Variants in PCMTD1 observed in about 807,000 individuals in gnomAD.
PCMTD1 encodes protein-L-isoaspartate O-methyltransferase domain-containing protein 1.
PCMTD1 carries 12 observed loss-of-function variants against 37.6 expected under a neutral mutation model. The ratio of observed to expected loss-of-function variants is 0.32; its 90% confidence interval spans 0.20 to 0.52. PCMTD1 has a LOEUF of 0.52. PCMTD1 is among the 20% of genes least tolerant of loss of function. The pLI, the probability that PCMTD1 is intolerant of heterozygous loss-of-function variation, is 0.97. For synonymous variants in PCMTD1, 117 were observed against 135.8 expected (o/e 0.86, Z 0.96); for missense variants, 235 against 421.3 (o/e 0.56, Z 3.87).
At chr8:51,831,620 G>A (rs2037999621) in intron 4 of PCMTD1, 53 bp from the exon 5 acceptor site, 33 of 1,555,770 alleles carry the variant, frequency 2.1e-5, no homozygotes, top group Non-Finnish European at 2.8e-5. Context: ...CAACAATGTG[G>A]TCACCTTACA....
At chr8:51,883,504 T>C (rs2038821728) in intron 1 of PCMTD1, among the ~76,000 whole-genome samples, 1 of 152,200 alleles carries the variant, frequency 6.6e-6, no homozygotes, top group African/African-American at 2.4e-5. Flanking sequence ...TTCTTCTTAA[T>C]TATTAATGCA....
intron 3 of PCMTD1, among the ~76,000 whole-genome samples, chr8:51,842,155 C>T (rs185226296): frequency 6.6e-6 from 1 of 152,240 alleles, no homozygotes; most frequent in African/African-American, 2.4e-5. Context: ...CATGAAACTT[C>T]CCCCTTCCCT....
chr8:51,855,449 A>G (rs1441396188), intron 2 of PCMTD1, among the ~76,000 whole-genome samples: 1 of 149,012 alleles, frequency 6.7e-6, no homozygotes, highest in Non-Finnish European at 1.5e-5. Flanking sequence ...AGGAGAATCA[A>G]CTGAACCTGG....
chr8:51,829,670 C>T (rs11782696), intron 5 of PCMTD1, among the ~76,000 whole-genome samples: 104,454 of 151,886 alleles, frequency 0.69, 42,368 homozygotes, highest in Non-Finnish European at 0.9. Flanking sequence ...CTCAGGAGGC[C>T]GAGGCAGGAG....
intron 1 of PCMTD1, among the ~76,000 whole-genome samples, chr8:51,891,083 GA>G (rs2038929153): frequency 6.6e-6 from 1 of 152,058 alleles, no homozygotes; most frequent in South Asian, 2.1e-4. Context: ...GTTATACAGG[GA>G]AAAAAGCAAA....
At chr8:51,893,675 T>C (rs1048773531) in intron 1 of PCMTD1, among the ~76,000 whole-genome samples, 2 of 152,150 alleles carry the variant, frequency 1.3e-5, no homozygotes, top group Non-Finnish European at 2.9e-5. Flanking sequence ...TATGTGCACA[T>C]GGAAAGACAA....
intron 1 of PCMTD1, among the ~76,000 whole-genome samples, chr8:51,885,759 T>C (rs1006779476): frequency 6.6e-6 from 1 of 152,198 alleles, no homozygotes; most frequent in Non-Finnish European, 1.5e-5. Context: ...TAAAATGCAA[T>C]ACACTCAACA....
intron 3 of PCMTD1, chr8:51,845,453 A>G (rs2038203784): frequency 2.5e-6 from 1 of 407,064 alleles, no homozygotes; most frequent in South Asian, 5.0e-5. Flanking sequence ...GTAGTAGCAA[A>G]AAATCACATT....
At chr8:51,876,035 A>C (rs748873245) in intron 1 of PCMTD1, among the ~76,000 whole-genome samples, 5 of 152,222 alleles carry the variant, frequency 3.3e-5, no homozygotes, top group Non-Finnish European at 5.9e-5. Flanking sequence ...GATGTAATAT[A>C]TATAAACTGT....
At chr8:51,845,617 CTATT>C in intron 3 of PCMTD1, 40 bp downstream of exon 3, 1 of 1,335,112 alleles carries the variant, frequency 7.5e-7, no homozygotes, top group Non-Finnish European at 1.1e-6. Flanking sequence ...TTGCATGTAT[CTATT>C]AAGTGATTTT....
chr8:51,894,099 G>A (rs558154948), intron 1 of PCMTD1, among the ~76,000 whole-genome samples: 1 of 152,214 alleles, frequency 6.6e-6, no homozygotes, highest in Admixed American at 6.5e-5. Context: ...TGGGAGGTGG[G>A]GGCTCTAGGG....
intron 5 of PCMTD1, among the ~76,000 whole-genome samples, chr8:51,823,081 G>A (rs1000005616): frequency 1.3e-5 from 2 of 152,174 alleles, no homozygotes; most frequent in African/African-American, 4.8e-5. Flanking sequence ...AAGACCAACT[G>A]GACCCAGCAT....
chr8:51,833,016 G>T (rs1448670134), intron 4 of PCMTD1, among the ~76,000 whole-genome samples: 4 of 152,006 alleles, frequency 2.6e-5, no homozygotes, highest in Non-Finnish European at 4.4e-5. Context: ...GATAATTTTT[G>T]TATCTGTTTG....
chr8:51,888,985 C>G (rs1019928605), intron 1 of PCMTD1, among the ~76,000 whole-genome samples: 2 of 152,148 alleles, frequency 1.3e-5, no homozygotes, highest in Non-Finnish European at 2.9e-5. Flanking sequence ...TTTTGTGTGA[C>G]TAGATGATTC....
At chr8:51,888,944 GCTCT>G (rs1239609641) in intron 1 of PCMTD1, among the ~76,000 whole-genome samples, 1 of 152,020 alleles carries the variant, frequency 6.6e-6, no homozygotes, top group Non-Finnish European at 1.5e-5. Flanking sequence ...GAACTGCTTT[GCTCT>G]CTCACTGCAG....
rs146252521 is a variant in PCMTD1, at chr8:51,824,026, A to C, written c.707-3308T>G. ...TCATGCTAAAAAATCTCAATAAACTAGGTATCGATGGAACGTATCTCAAAA... is the reference window on the plus strand; with the variant it reads ...TCATGCTAAAAAATCTCAATAAACTCGGTATCGATGGAACGTATCTCAAAA... On this transcript the variant is annotated intron_variant, in intron 5 of 5. Transcript: ENST00000522514. Among the ~76,000 whole-genome samples, 1,025 of 152,328 alleles carry C rather than the reference A, an allele frequency of 6.7e-3. 6 individuals are homozygous for C. Among genetic ancestry groups the C allele is most frequent in the Non-Finnish European group, 0.011 (722 of 68,032 alleles).
At chr8:51,879,354 C>A (rs2038759784) in intron 1 of PCMTD1, among the ~76,000 whole-genome samples, 1 of 151,810 alleles carries the variant, frequency 6.6e-6, no homozygotes, top group African/African-American at 2.4e-5. Context: ...CTTATAAGAG[C>A]CAAAACCAAA....
At chr8:51,859,678 TGA>T (rs1241918458) in intron 2 of PCMTD1, among the ~76,000 whole-genome samples, 1 of 152,126 alleles carries the variant, frequency 6.6e-6, no homozygotes, top group East Asian at 1.9e-4. Context: ...CTTCAAGGAA[TGA>T]AAGGACATTA....
chr8:51,860,761 A>G, intron 2 of PCMTD1, 84 bp downstream of exon 2: 1 of 1,177,978 alleles, frequency 8.5e-7, no homozygotes, highest in Non-Finnish European at 1.2e-6. Flanking sequence ...CATACTGTAC[A>G]CAAAGTTACA....
Sources: allele counts gnomAD v4.1 joint callset (sites outside exome capture counted in the v4.1 genomes callset), GRCh38; gene constraint gnomAD v4.1.1; transcripts MANE v1.5; gene names NCBI Gene and HGNC (gene_info 2026-07-23, HGNC 2026-07-21).